VPS13B: variants seen among roughly 807,000 people sequenced by gnomAD.
VPS13B encodes vacuolar protein sorting 13 homolog B, also known as intermembrane lipid transfer protein VPS13B.
In VPS13B, 285 loss-of-function variants were observed where a neutral mutation model predicts 426.4. The ratio of observed to expected loss-of-function variants is 0.67; its 90% CI spans 0.61 to 0.74. The LOEUF (loss-of-function observed/expected upper bound fraction) is 0.74, where lower values mean the gene tolerates loss of function less well. Among genes scored for constraint, VPS13B ranks in the 30% least tolerant of loss-of-function variants. The pLI, the probability that VPS13B is intolerant of heterozygous loss-of-function variation, is 0.00. For missense variants in VPS13B, 4,537 were observed against 4,782.6 expected, an observed-to-expected ratio of 0.95 and a Z score of 1.51; for synonymous variants, 1,676 against 1,676.4, an observed-to-expected ratio of 1.00 and a Z score of 0.01.
intron 19 of VPS13B, among the ~76,000 whole-genome samples, chr8:99,351,772 T>C (rs1033331873): frequency 2.6e-5 from 4 of 152,190 alleles, no homozygotes; most frequent in African/African-American, 9.7e-5. Flanking sequence ...CCATTAAATG[T>C]GAGTTTTAAG....
intron 3 of VPS13B, among the ~76,000 whole-genome samples, chr8:99,040,971 G>A (rs1204892258): frequency 6.6e-6 from 1 of 152,148 alleles, no homozygotes; most frequent in Non-Finnish European, 1.5e-5. Context: ...GTACTGCACT[G>A]AAAAGCATTG....
chr8:99,766,146 C>T (rs1382770270), intron 39 of VPS13B, among the ~76,000 whole-genome samples: 1 of 143,606 alleles, frequency 7.0e-6, no homozygotes, highest in Non-Finnish European at 1.5e-5. Flanking sequence ...CTGGTGTGAC[C>T]GCTGCTCACT....
At chr8:99,468,711 C>T (rs1324226030) in intron 24 of VPS13B, among the ~76,000 whole-genome samples, 1 of 152,070 alleles carries the variant, frequency 6.6e-6, no homozygotes, top group Non-Finnish European at 1.5e-5. Flanking sequence ...GGCAATAAAG[C>T]AAGACTCTTT....
intron 35 of VPS13B, among the ~76,000 whole-genome samples, chr8:99,676,757 C>T (rs1325291305): frequency 6.6e-6 from 1 of 151,970 alleles, no homozygotes; most frequent in South Asian, 2.1e-4. Flanking sequence ...CTGAAGAGTC[C>T]TATTCCACCA....
intron 19 of VPS13B, among the ~76,000 whole-genome samples, chr8:99,323,723 A>G (rs954078151): frequency 6.6e-6 from 1 of 152,228 alleles, no homozygotes; most frequent in Admixed American, 6.5e-5. Flanking sequence ...ACTTGAAAAC[A>G]TAGTGCTGTA....
At chr8:99,149,210 A>T (rs1326975924) in intron 14 of VPS13B, among the ~76,000 whole-genome samples, 1 of 152,240 alleles carries the variant, frequency 6.6e-6, no homozygotes, top group East Asian at 1.9e-4. Flanking sequence ...ATGTATTAGG[A>T]ACTGAGTGAT....
At chr8:99,294,414 T>G (rs925498221) in intron 19 of VPS13B, among the ~76,000 whole-genome samples, 5 of 132,556 alleles carry the variant, frequency 3.8e-5, no homozygotes, top group African/African-American at 1.2e-4. Flanking sequence ...GGGGGAGAGA[T>G]AGCATTGGGA....
rs566797345 is a variant in VPS13B, at chr8:99,622,189, A to G, written c.5221-19622A>G. On this transcript the variant is annotated intron_variant, in intron 33 of 61. Transcript: ENST00000357162. ...GCTAACATTGGTATAGCTCTTTACA[A>G]TCCATGAAATTTTTTCACTTACATC... Among the ~76,000 whole-genome samples, 172 of 152,242 alleles carry G rather than the reference A, an allele frequency of 1.1e-3. 1 individual carries two copies. The highest frequency in any genetic ancestry group is 3.5e-3 in the African/African-American group (146 of 41,536).
intron 21 of VPS13B, among the ~76,000 whole-genome samples, chr8:99,428,923 A>T (rs1373670170): frequency 1.3e-5 from 2 of 152,206 alleles, no homozygotes; most frequent in Non-Finnish European, 2.9e-5. Flanking sequence ...AATGTGGCAC[A>T]TATACACCAT....
chr8:99,051,595 C>T (rs1394359594), intron 3 of VPS13B, among the ~76,000 whole-genome samples: 2 of 152,158 alleles, frequency 1.3e-5, no homozygotes, highest in African/African-American at 4.8e-5. Flanking sequence ...ATGGGAATGG[C>T]ATTGAATCTA....
rs143112539 is a variant in VPS13B at position 99,115,822 on chromosome 8, C to T, written c.885C>T (p.Gly295=). 1.1e-4 allele frequency: 173 copies of T among 1,613,238 alleles called. 2 individuals are homozygous for T. In the Admixed American group the frequency reaches 1.4e-3, roughly 13 times the overall value. ...YYGEIGNFKE[G]EIEDLTCHNK... is the part of the protein sequence containing the mutation. ...GAGAAATAGGCAATTTTAAAGAAGGCGAAATAGAGGACCTTACTTGTCATA... is the reference window on the plus strand; with the variant it reads ...GAGAAATAGGCAATTTTAAAGAAGGTGAAATAGAGGACCTTACTTGTCATA... Residue 295 remains glycine, a synonymous_variant, in exon 7 of 62, where the codon GGC becomes GGT. Transcript: ENST00000357162.
intron 29 of VPS13B, among the ~76,000 whole-genome samples, chr8:99,514,049 A>T (rs1821929451): frequency 1.3e-5 from 2 of 152,198 alleles, no homozygotes; most frequent in Non-Finnish European, 2.9e-5. Flanking sequence ...TTTTCATTGC[A>T]ATTAGATCTT....
chr8:99,017,507 T>A (rs528236626), intron 2 of VPS13B, among the ~76,000 whole-genome samples: 19 of 149,026 alleles, frequency 1.3e-4, no homozygotes, highest in Non-Finnish European at 2.4e-4. Context: ...TTTATTTTTA[T>A]TTTTTGAGAC....
At chr8:99,729,769 A>G (rs950624013) in intron 39 of VPS13B, among the ~76,000 whole-genome samples, 14 of 152,230 alleles carry the variant, frequency 9.2e-5, no homozygotes, top group Non-Finnish European at 1.9e-4. Context: ...CTAAAGCTTC[A>G]TTAAATCTTA....
At chr8:99,337,814 A>G (rs993214637) in intron 19 of VPS13B, among the ~76,000 whole-genome samples, 3 of 152,056 alleles carry the variant, frequency 2.0e-5, no homozygotes, top group Non-Finnish European at 4.4e-5. Flanking sequence ...ATATCCTTCT[A>G]TATTTTCCTC....
chr8:99,264,786 G>A (rs980346426), intron 17 of VPS13B, among the ~76,000 whole-genome samples: 2 of 151,960 alleles, frequency 1.3e-5, no homozygotes, highest in African/African-American at 4.8e-5. Context: ...CTTTTCTACA[G>A]TTTTGGAAAT....
intron 44 of VPS13B, among the ~76,000 whole-genome samples, chr8:99,814,067 G>A (rs1813878065): frequency 6.6e-6 from 1 of 152,236 alleles, no homozygotes; most frequent in Non-Finnish European, 1.5e-5. Flanking sequence ...TTGAGCCGAG[G>A]AGTTCAAGGC....
At chr8:99,317,958 G>A (rs1341226890) in intron 19 of VPS13B, among the ~76,000 whole-genome samples, 2 of 152,180 alleles carry the variant, frequency 1.3e-5, no homozygotes, top group Non-Finnish European at 2.9e-5. Flanking sequence ...GTGTCTGTGT[G>A]TGTTTATTCC....
intron 3 of VPS13B, among the ~76,000 whole-genome samples, chr8:99,041,249 T>C (rs1773635170): frequency 6.6e-6 from 1 of 152,212 alleles, no homozygotes; most frequent in African/African-American, 2.4e-5. Context: ...CTCTGAGAGA[T>C]GTATCTATGT....
Sources: allele counts gnomAD v4.1 joint callset (sites outside exome capture counted in the v4.1 genomes callset), GRCh38; gene constraint gnomAD v4.1.1; transcripts MANE v1.5; gene names NCBI Gene and HGNC (gene_info 2026-07-23, HGNC 2026-07-21).